CIBAR2: variants seen among roughly 807,000 people sequenced by gnomAD.
CIBAR2 encodes CBY1 interacting BAR domain containing 2, also known as CBY1-interacting BAR domain-containing protein 2.
A neutral mutation model predicts 36.2 loss-of-function variants in CIBAR2; 38 were observed. The ratio of observed to expected loss-of-function variants is 1.05; its 90% confidence interval spans 0.81 to 1.38. The LOEUF (loss-of-function observed/expected upper bound fraction) is 1.38, where lower values mean the gene tolerates loss of function less well. Among genes scored for constraint, CIBAR2 ranks in the 40% most tolerant of loss-of-function variants. CIBAR2 has a pLI of 0.00. For missense variants in CIBAR2, 481 were observed against 383.4 expected, an observed-to-expected ratio of 1.25 and a Z score of -2.13; for synonymous variants, 182 against 149.5, an observed-to-expected ratio of 1.22 and a Z score of -1.58.
intron 5 of CIBAR2, among the ~76,000 whole-genome samples, chr16:85,105,874 C>T (rs1482219414): frequency 6.6e-6 from 1 of 152,230 alleles, no homozygotes; most frequent in Non-Finnish European, 1.5e-5. Flanking sequence ...TAGACGCTTA[C>T]TCCATGCCAA....
chr16:85,100,150 G>A lies in CIBAR2; in HGVS notation c.742C>T (p.Leu248Phe). Residue 248 changes from leucine to phenylalanine, a missense_variant, in exon 8 of 9, where the codon CTC becomes TTC. Leu to Phe is a conservative substitution (Grantham distance 22). Transcript: ENST00000539556. ...ACCCACACGCTCACCTGGCTGGCGA[G>A]AGACTGAAGAACAGATGGAGGGGGG... Reference protein sequence around the residue: ...TSPPPSVLQSLASQGTLQVQL... With the variant: ...TSPPPSVLQSFASQGTLQVQL... The A allele has an allele frequency of 6.2e-7, 1 of 1,610,286 alleles. No individual in the cohort carries two copies. The highest frequency in any genetic ancestry group is 1.7e-5 in the Admixed American group (1 of 59,200).
rs2074032413 is a variant in CIBAR2, at chr16:85,110,395, C to A, written c.86G>T (p.Cys29Phe). 3 of 1,613,472 alleles carry A rather than the reference C, an allele frequency of 1.9e-6. No homozygotes were observed. Among genetic ancestry groups the A allele is most frequent in the East Asian group, 4.5e-5 (2 of 44,872 alleles). The part of the protein sequence containing the change: ...ANTEKYFGQF[C>F]SLLAAYTRKT... ...GCGCGTGTAGGCGGCCAGCAGCGAG[C>A]AGAACTGCCCAAAGTACTTCTCGGT... is the stretch of plus-strand genomic sequence containing the variant. The change falls in exon 2 of 9, where the codon TGC becomes TTC. Residue 29 changes from cysteine to phenylalanine, a missense_variant. Physicochemically the swap from Cys to Phe is radical, Grantham distance 205 (BLOSUM62 -2). Transcript: ENST00000539556.
At chr16:85,103,690 A>G (rs1458639523) in intron 6 of CIBAR2, among the ~76,000 whole-genome samples, 1 of 152,186 alleles carries the variant, frequency 6.6e-6, no homozygotes, top group East Asian at 1.9e-4. Context: ...CTGACGCTTC[A>G]TTCCCTTGTG....
chr16:85,111,512 A>G (rs895302431), intron 1 of CIBAR2, among the ~76,000 whole-genome samples: 2 of 152,140 alleles, frequency 1.3e-5, no homozygotes, highest in African/African-American at 4.8e-5. Flanking sequence ...AGGCATGTGC[A>G]CCAGAATCCC....
At position 85,103,234 on chromosome 16, in the gene CIBAR2, C is replaced by T. The variant is rs376701159; in HGVS notation, c.538-907G>A. On this transcript the variant is annotated intron_variant, in intron 6 of 8. Coordinates refer to ENST00000539556, the MANE Select transcript of CIBAR2 (RefSeq NM_198491.3). ...TTCTGCCCCTTCTGCCACATGCGGA[C>T]TCATAGCAGGCACCAGCCATGGGGA... 9.2e-5 allele frequency among the ~76,000 whole-genome samples: 14 copies of T among 152,262 alleles called. No homozygotes were observed. The East Asian group carries it at 9.7e-4, about 11-fold the overall frequency.
intron 1 of CIBAR2, among the ~76,000 whole-genome samples, chr16:85,110,963 C>T (rs1412423495): frequency 3.9e-5 from 6 of 152,102 alleles, no homozygotes; most frequent in Non-Finnish European, 7.4e-5. Flanking sequence ...CCTTGGCCTC[C>T]CAAAGTGCTG....
intron 6 of CIBAR2, among the ~76,000 whole-genome samples, chr16:85,103,374 T>A (rs2073970518): frequency 6.6e-6 from 1 of 152,304 alleles, no homozygotes; most frequent in East Asian, 1.9e-4. Context: ...TAAAGTGTTG[T>A]GTTGGCGCAG....
chr16:85,109,721 A>C (rs1271860510), intron 2 of CIBAR2, among the ~76,000 whole-genome samples: 1 of 151,382 alleles, frequency 6.6e-6, no homozygotes, highest in African/African-American at 2.4e-5. Context: ...CTGATCTTAA[A>C]CTCCTGGGCT....
In CIBAR2 at chr16:85,099,153, A is replaced by C; in HGVS notation, c.*32T>G. ...CCTCCAGGCAGTCTGGGATTATTTT[A>C]AACGGCTTGGGATTGCACTTACCCT... On this transcript the variant is annotated 3_prime_UTR_variant, in exon 9 of 9. Transcript: ENST00000539556. 6.8e-7 allele frequency: 1 copy of C among 1,480,348 alleles called. No homozygotes were observed. The highest frequency in any genetic ancestry group is 9.0e-7 in the Non-Finnish European group (1 of 1,115,724). The allele number at this position is 1,480,348 out of a possible 1,614,324, so 91.7% of individuals were successfully genotyped here.
At position 85,102,343 on chromosome 16, in the gene CIBAR2, C is replaced by T. The variant is rs370396399; in HGVS notation, c.538-16G>A. 737 of 1,474,242 alleles carry T rather than the reference C, an allele frequency of 5.0e-4. 13 individuals are homozygous for T. In the South Asian group the frequency reaches 7.7e-3, roughly 15 times the overall value. The allele number at this position is 1,474,242 out of a possible 1,614,324, so 91.3% of individuals were successfully genotyped here. A position where few individuals can be genotyped will look rare whatever the true frequency, so the allele number is the denominator to read the frequency against. On this transcript the variant is annotated splice_polypyrimidine_tract_variant and intron_variant, in intron 6 of 8. Coordinates refer to ENST00000539556, the MANE Select transcript of CIBAR2 (RefSeq NM_198491.3). ...AAAAAAATTTCTGTGGGGAGAGAAA[C>T]CCAAAGAATGTAAGCATCGCAGTGA...
rs1407620687 is a variant in CIBAR2 at position 85,107,829 on chromosome 16, C to T, written c.426+17G>A. ...CCTGGCCCGGCAGCCCCAGGCCCCA[C>T]TTCCAGGGAAGGATACGATCATTTG... On this transcript the variant is annotated intron_variant, in intron 4 of 8. Coordinates refer to ENST00000539556, the MANE Select transcript of CIBAR2 (RefSeq NM_198491.3). The T allele has an allele frequency of 1.2e-6, 2 of 1,608,534 alleles. No individual in the cohort carries two copies. Among genetic ancestry groups the T allele is most frequent in the Non-Finnish European group, 1.7e-6 (2 of 1,175,038 alleles).
chr16:85,110,479 G>A lies in CIBAR2; in HGVS notation c.21-19C>T. The A allele has an allele frequency of 6.4e-7, 1 of 1,556,280 alleles. No individual in the cohort carries two copies. Among genetic ancestry groups the A allele is most frequent in the Non-Finnish European group, 8.8e-7 (1 of 1,141,950 alleles). On this transcript the variant is annotated intron_variant, in intron 1 of 8. Transcript: ENST00000539556. ...GCTGTCCCTGTGGAGGCGGGGACCTGAGCAGCCATTCTGGGCAGAGATGCA... is the reference window on the plus strand; with the variant it reads ...GCTGTCCCTGTGGAGGCGGGGACCTAAGCAGCCATTCTGGGCAGAGATGCA...
chr16:85,101,929 A>C (rs1470356152), intron 7 of CIBAR2, among the ~76,000 whole-genome samples: 1 of 151,988 alleles, frequency 6.6e-6, no homozygotes, highest in Non-Finnish European at 1.5e-5. Flanking sequence ...CGGCCTCCCA[A>C]AGTGCTGGGA....
At position 85,105,452 on chromosome 16, in the gene CIBAR2, C is replaced by T. The variant is rs185739715; in HGVS notation, c.433-21G>A. On this transcript the variant is annotated intron_variant, in intron 5 of 8. Transcript: ENST00000539556. ...TCTGCCTGGCCCCAGGGACACAAGA[C>T]GTAGAAAGTGTCATGGGGGTGCTTC... 5.0e-4 allele frequency: 793 copies of T among 1,582,136 alleles called. 4 individuals are homozygous for T. The African/African-American group carries it at 7.6e-3, about 15-fold the overall frequency.
intron 6 of CIBAR2, among the ~76,000 whole-genome samples, chr16:85,104,290 G>A (rs962363930): frequency 2.6e-5 from 4 of 152,240 alleles, no homozygotes; most frequent in African/African-American, 9.6e-5. Flanking sequence ...CCGCAGGCAG[G>A]ATGAGGCCGC....
chr16:85,110,704 C>CTTT (rs746973381), intron 1 of CIBAR2, among the ~76,000 whole-genome samples: 3 of 93,896 alleles, frequency 3.2e-5, no homozygotes, highest in African/African-American at 4.9e-5. Flanking sequence ...CAGACCTGGC[C>CTTT]TTTTTTTTTT....
At position 85,105,429 on chromosome 16, in the gene CIBAR2, T is replaced by G; in HGVS notation, c.435A>C (p.Ala145=). The change falls in exon 6 of 9, where the codon GCA becomes GCC. Residue 145 remains alanine, a splice_region_variant and synonymous_variant. Coordinates refer to ENST00000539556, the MANE Select transcript of CIBAR2 (RefSeq NM_198491.3). ...SPSDQQMISQ[A]ETRVQRAAVD... The stretch of plus-strand genomic sequence containing the variant: ...CAGCGGCCCTCTGCACTCTGGTCTC[T>G]GCCTGGCCCCAGGGACACAAGACGT... 1 of 1,612,594 alleles carries G rather than the reference T, an allele frequency of 6.2e-7. No individual in the cohort carries two copies. The highest frequency in any genetic ancestry group is 1.3e-5 in the African/African-American group (1 of 75,030).
chr16:85,111,772 C>T (rs57979370), intron 1 of CIBAR2, among the ~76,000 whole-genome samples: 2 of 152,090 alleles, frequency 1.3e-5, no homozygotes, highest in Non-Finnish European at 2.9e-5. Flanking sequence ...TGAGCCCAGG[C>T]GATGGAGGTT....
In CIBAR2 at chr16:85,099,232, C is replaced by T. The variant is rs202224384; in HGVS notation, c.868G>A (p.Val290Met). ...ATGAGATGCCCACCCTGCCCACACA[C>T]ACAGTGGGCTGGCTGCCCCTTAACC... is the stretch of plus-strand genomic sequence containing the variant. ...WVVKGQPAHC[V>M]CGQGGHLMLP... Residue 290 changes from valine (V) to methionine (M), a missense_variant, in exon 9 of 9, where the codon GTG becomes ATG. Transcript: ENST00000539556. 3.1e-6 allele frequency: 5 copies of T among 1,610,806 alleles called. No individual in the cohort carries two copies. The Admixed American group carries it at 5.0e-5, about 16-fold the overall frequency.
Sources: gnomAD v4.1 joint callset for allele counts (sites outside exome capture counted in the v4.1 genomes callset) on GRCh38, gnomAD v4.1.1 for gene constraint, MANE v1.5 for transcripts, NCBI Gene and HGNC (gene_info 2026-07-23, HGNC 2026-07-21) for gene names.